Variants in AUTS2 observed in about 807,000 individuals in gnomAD.
The protein encoded by AUTS2 is autism susceptibility gene 2 protein.
A neutral mutation model predicts 112.4 loss-of-function variants in AUTS2; 17 were observed. The observed-to-expected ratio is 0.15, with a 90% confidence interval of 0.10 to 0.23. AUTS2 has a LOEUF of 0.23. Among genes scored for constraint, AUTS2 ranks in the 10% least tolerant of loss-of-function variants. AUTS2 has a pLI of 1.00. For missense variants in AUTS2, 1,510 were observed against 1,701.6 expected (o/e 0.89, Z 1.98); for synonymous variants, 751 against 702.7 (o/e 1.07, Z -1.09).
intron 4 of AUTS2, among the ~76,000 whole-genome samples, chr7:70,288,260 G>A (rs544465028): frequency 6.6e-6 from 1 of 152,250 alleles, no homozygotes; most frequent in South Asian, 2.1e-4. Flanking sequence ...AAATTAGCCA[G>A]GCATGGTGGC....
intron 6 of AUTS2, among the ~76,000 whole-genome samples, chr7:70,752,690 G>A (rs1458554715): frequency 1.3e-5 from 2 of 152,138 alleles, no homozygotes; most frequent in Non-Finnish European, 2.9e-5. Flanking sequence ...CCCGTATGAA[G>A]TGACAATCAC....
intron 6 of AUTS2, among the ~76,000 whole-genome samples, chr7:70,756,008 C>G (rs922375922): frequency 1.3e-5 from 2 of 152,050 alleles, no homozygotes; most frequent in African/African-American, 4.8e-5. Flanking sequence ...TTTTCCTCCT[C>G]CTCCTCCTCA....
At chr7:70,711,905 C>T (rs1209720545) in intron 6 of AUTS2, among the ~76,000 whole-genome samples, 3 of 152,200 alleles carry the variant, frequency 2.0e-5, no homozygotes, top group Non-Finnish European at 4.4e-5. Context: ...ACTCACTCCC[C>T]ACACATCTTC....
intron 1 of AUTS2, among the ~76,000 whole-genome samples, chr7:69,815,980 TG>T (rs1227662463): frequency 2.0e-5 from 3 of 152,234 alleles, no homozygotes; most frequent in African/African-American, 7.2e-5. Flanking sequence ...TGTTTGGACT[TG>T]GGTGACTGTC....
chr7:69,711,164 A>G (rs1169448667), intron 1 of AUTS2, among the ~76,000 whole-genome samples: 1 of 152,152 alleles, frequency 6.6e-6, no homozygotes, highest in Non-Finnish European at 1.5e-5. Context: ...CATTTAGTAC[A>G]CAGGGAAGAA....
At chr7:70,650,115 A>G (rs1025214446) in intron 5 of AUTS2, among the ~76,000 whole-genome samples, 2 of 152,006 alleles carry the variant, frequency 1.3e-5, no homozygotes, top group Non-Finnish European at 2.9e-5. Flanking sequence ...ATCAGACACT[A>G]TTTCCTCAGG....
chr7:70,263,395 T>G (rs1787261251), intron 4 of AUTS2, among the ~76,000 whole-genome samples: 1 of 152,204 alleles, frequency 6.6e-6, no homozygotes, highest in Admixed American at 6.5e-5. Context: ...AAAGTAAACT[T>G]AAATAGGTCA....
chr7:70,787,646 T>G (rs1427437582), intron 18 of AUTS2, among the ~76,000 whole-genome samples: 3 of 152,108 alleles, frequency 2.0e-5, no homozygotes, highest in African/African-American at 7.2e-5. Context: ...AGCGACAGAT[T>G]CCTGTCTCAG....
At chr7:69,921,902 CT>C (rs1310107205) in intron 2 of AUTS2, among the ~76,000 whole-genome samples, 1 of 150,898 alleles carries the variant, frequency 6.6e-6, no homozygotes, top group Non-Finnish European at 1.5e-5. Flanking sequence ...CCCGTCTCTA[CT>C]AAAAATACAA....
chr7:70,313,542 C>T (rs1203617728), intron 4 of AUTS2, among the ~76,000 whole-genome samples: 1 of 152,156 alleles, frequency 6.6e-6, no homozygotes, highest in East Asian at 1.9e-4. Context: ...GTGATTATTT[C>T]ACCTGGAGGG....
chr7:69,770,647 A>C (rs1351063288), intron 1 of AUTS2, among the ~76,000 whole-genome samples: 2 of 152,156 alleles, frequency 1.3e-5, no homozygotes, highest in African/African-American at 4.8e-5. Flanking sequence ...AGCGCTTCAT[A>C]TAAGACTTTT....
intron 4 of AUTS2, among the ~76,000 whole-genome samples, chr7:70,140,350 A>G (rs1806796274): frequency 6.6e-6 from 1 of 152,226 alleles, no homozygotes; most frequent in South Asian, 2.1e-4. Context: ...AAAGAGAAAC[A>G]TCTACATTAA....
intron 5 of AUTS2, among the ~76,000 whole-genome samples, chr7:70,679,983 A>C (rs1808123602): frequency 6.6e-6 from 1 of 152,236 alleles, no homozygotes; most frequent in Non-Finnish European, 1.5e-5. Flanking sequence ...CACGGAGCCC[A>C]GGAGGCTCAC....
chr7:70,000,572 G>A (rs923603905), intron 2 of AUTS2, among the ~76,000 whole-genome samples: 21 of 152,264 alleles, frequency 1.4e-4, no homozygotes, highest in African/African-American at 4.3e-4. Context: ...AGACTGGTAT[G>A]GGGATTGTTT....
intron 1 of AUTS2, among the ~76,000 whole-genome samples, chr7:69,711,178 A>G (rs1798308273): frequency 6.6e-6 from 1 of 152,194 alleles, no homozygotes; most frequent in Non-Finnish European, 1.5e-5. Flanking sequence ...GGAAGAAAAC[A>G]GCACTTGGCT....
intron 1 of AUTS2, among the ~76,000 whole-genome samples, chr7:69,846,116 G>C (rs1404059330): frequency 6.8e-6 from 1 of 147,128 alleles, no homozygotes; most frequent in African/African-American, 2.5e-5. Flanking sequence ...TTTTTGGTCT[G>C]TGCCTTTTGT....
chr7:70,735,326 A>G (rs1175576441), intron 6 of AUTS2, among the ~76,000 whole-genome samples: 2 of 152,324 alleles, frequency 1.3e-5, no homozygotes, highest in South Asian at 2.1e-4. Flanking sequence ...CGACATGGCA[A>G]ATTCAGTTGG....
intron 6 of AUTS2, among the ~76,000 whole-genome samples, chr7:70,714,030 T>C (rs1241780590): frequency 6.6e-6 from 1 of 152,186 alleles, no homozygotes; most frequent in African/African-American, 2.4e-5. Flanking sequence ...CTAAGAGCAC[T>C]GTGTGATCTA....
At chr7:69,981,628 C>T (rs138184151) in intron 2 of AUTS2, among the ~76,000 whole-genome samples, 5 of 152,108 alleles carry the variant, frequency 3.3e-5, no homozygotes, top group Non-Finnish European at 2.9e-5. Flanking sequence ...ACACTATCAG[C>T]GCTTAAGAGT....
Sources: allele counts gnomAD v4.1 joint callset (sites outside exome capture counted in the v4.1 genomes callset), GRCh38; gene constraint gnomAD v4.1.1; transcripts MANE v1.5; gene names NCBI Gene and HGNC (gene_info 2026-07-23, HGNC 2026-07-21).